Variants in SNTG1 observed in about 807,000 individuals in gnomAD.
SNTG1 encodes gamma-1-syntrophin.
A neutral mutation model predicts 74.7 loss-of-function variants in SNTG1; 39 were observed. The observed-to-expected ratio is 0.52, with a 90% CI of 0.40 to 0.68. The LOEUF is 0.68. SNTG1 is among the 30% of genes least tolerant of loss of function. The probability of loss-of-function intolerance (pLI) is 0.00; values close to 1 mark genes in which losing one functional copy is unlikely to be tolerated. For synonymous variants in SNTG1, 254 were observed against 217.1 expected (o/e 1.17, Z -1.49); for missense variants, 685 against 609.5 (o/e 1.12, Z -1.30).
intron 3 of SNTG1, 44 bp downstream of exon 3, chr8:50,394,309 A>G: frequency 6.3e-7 from 1 of 1,596,634 alleles, no homozygotes; most frequent in Non-Finnish European, 8.6e-7. Context: ...AAAACAGAAT[A>G]TAAGCGGGAA....
intron 2 of SNTG1, among the ~76,000 whole-genome samples, chr8:50,245,045 T>C (rs2086332978): frequency 6.6e-6 from 1 of 152,218 alleles, no homozygotes; most frequent in Non-Finnish European, 1.5e-5. Flanking sequence ...TATGTTTTCT[T>C]GGTTGGATCA....
intron 2 of SNTG1, among the ~76,000 whole-genome samples, chr8:50,334,956 A>T (rs1476153541): frequency 6.6e-6 from 1 of 152,204 alleles, no homozygotes; most frequent in Non-Finnish European, 1.5e-5. Flanking sequence ...CTGCTAGATT[A>T]TACTTACAAA....
At chr8:50,667,574 C>A (rs527936154) in intron 15 of SNTG1, among the ~76,000 whole-genome samples, 1 of 151,916 alleles carries the variant, frequency 6.6e-6, no homozygotes, top group African/African-American at 2.4e-5. Context: ...CATCACGGGG[C>A]CCCATCCTGA....
At chr8:50,778,578 A>G (rs2095648339) in intron 18 of SNTG1, among the ~76,000 whole-genome samples, 1 of 151,912 alleles carries the variant, frequency 6.6e-6, no homozygotes, top group Non-Finnish European at 1.5e-5. Flanking sequence ...AATTTGTTTG[A>G]GTTCATAGTA....
At chr8:50,296,699 C>T (rs765809097) in intron 2 of SNTG1, among the ~76,000 whole-genome samples, 2 of 152,062 alleles carry the variant, frequency 1.3e-5, no homozygotes, top group Non-Finnish European at 2.9e-5. Context: ...TTGATAAGTG[C>T]AGCGAACCAC....
intron 18 of SNTG1, among the ~76,000 whole-genome samples, chr8:50,782,961 A>T (rs1490670426): frequency 6.6e-6 from 1 of 152,134 alleles, no homozygotes; most frequent in Non-Finnish European, 1.5e-5. Context: ...AGTTTGCCAG[A>T]GGTCCACCCC....
chr8:50,030,517 T>A (rs540752534), intron 1 of SNTG1, among the ~76,000 whole-genome samples: 3 of 152,106 alleles, frequency 2.0e-5, no homozygotes, highest in African/African-American at 2.4e-5. Context: ...AGTGGTTTTT[T>A]AATATATGGT....
intron 1 of SNTG1, among the ~76,000 whole-genome samples, chr8:49,958,765 A>G (rs1810418271): frequency 6.6e-6 from 1 of 152,236 alleles, no homozygotes. Flanking sequence ...AAATGTAGTT[A>G]GGATCACTCT....
intron 9 of SNTG1, among the ~76,000 whole-genome samples, chr8:50,503,609 A>C (rs1437407157): frequency 6.6e-6 from 1 of 152,144 alleles, no homozygotes; most frequent in Non-Finnish European, 1.5e-5. Flanking sequence ...ACTTTACAGA[A>C]TGGAATTATA....
Position 50,426,320 on chromosome 8 carries a change from C to T in SNTG1, c.163-12223C>T, listed in dbSNP as rs182784776. On this transcript the variant is annotated intron_variant, in intron 4 of 18. Transcript: ENST00000642720. ...ATGATATTTGGTCAATGAAGGGCCA[C>T]ATATATTACAGCGTATCATAAGATT... 3.5e-3 allele frequency among the ~76,000 whole-genome samples: 528 copies of T among 152,216 alleles called. 3 individuals carry two copies. The highest frequency in any genetic ancestry group is 0.012 in the African/African-American group (508 of 41,536).
intron 3 of SNTG1, among the ~76,000 whole-genome samples, chr8:50,398,860 G>T (rs2092764091): frequency 6.6e-6 from 1 of 152,134 alleles, no homozygotes; most frequent in South Asian, 2.1e-4. Context: ...AACCCAGGAG[G>T]CAGAGATTGT....
At position 50,795,693 on chromosome 8, in the gene SNTG1, T is replaced by G. The variant is rs187244624; in HGVS notation, c.*2864T>G. ...TCAGAGAATGAAGTTCAAAGTCATT[T>G]GAAAACTGCTAACTACTATAATAAT... On this transcript the variant is annotated 3_prime_UTR_variant, in exon 19 of 19. Transcript: ENST00000642720. 1.3e-5 allele frequency: 2 copies of G among 152,094 alleles called. No homozygotes were observed. Among genetic ancestry groups the G allele is most frequent in the African/African-American group, 4.8e-5 (2 of 41,446 alleles). The allele number at this position is 152,094 out of a possible 1,614,324, so 9.4% of individuals were successfully genotyped here.
At chr8:50,070,896 G>C (rs1821307880) in intron 1 of SNTG1, among the ~76,000 whole-genome samples, 1 of 152,170 alleles carries the variant, frequency 6.6e-6, no homozygotes, top group Non-Finnish European at 1.5e-5. Context: ...GGGACGGCTG[G>C]AGGCTGAGCC....
chr8:50,534,866 G>A (rs927737606), intron 10 of SNTG1, among the ~76,000 whole-genome samples: 6 of 152,156 alleles, frequency 3.9e-5, no homozygotes, highest in African/African-American at 1.4e-4. Flanking sequence ...AGTGGTGTAA[G>A]TCAAGCACTT....
At chr8:50,155,330 A>G (rs556853043) in intron 1 of SNTG1, among the ~76,000 whole-genome samples, 131 of 152,308 alleles carry the variant, frequency 8.6e-4, no homozygotes, top group African/African-American at 3.1e-3. Context: ...GAAAAGGATT[A>G]TCTAAAAACA....
chr8:50,244,654 C>T (rs1285003015), intron 2 of SNTG1, among the ~76,000 whole-genome samples: 6 of 152,110 alleles, frequency 3.9e-5, no homozygotes, highest in Middle Eastern at 3.2e-3. Flanking sequence ...ACATAGGGAG[C>T]TCTATTAGCA....
intron 9 of SNTG1, among the ~76,000 whole-genome samples, chr8:50,518,124 A>C (rs2130100860): frequency 6.6e-6 from 1 of 152,368 alleles, no homozygotes; most frequent in Non-Finnish European, 1.5e-5. Flanking sequence ...TCATACGGCA[A>C]TCAAATAAGA....
intron 1 of SNTG1, among the ~76,000 whole-genome samples, chr8:50,114,916 G>A (rs900773465): frequency 6.6e-6 from 1 of 152,016 alleles, no homozygotes; most frequent in African/African-American, 2.4e-5. Context: ...ATGTACAGCA[G>A]GAGTGGTGTA....
chr8:50,152,622 C>G (rs1017943955), intron 1 of SNTG1, among the ~76,000 whole-genome samples: 4 of 152,156 alleles, frequency 2.6e-5, no homozygotes, highest in Non-Finnish European at 5.9e-5. Context: ...AATCTCTCAG[C>G]ATTTGCTTGT....
Sources: allele counts gnomAD v4.1 joint callset (sites outside exome capture counted in the v4.1 genomes callset), GRCh38; gene constraint gnomAD v4.1.1; transcripts MANE v1.5; gene names NCBI Gene and HGNC (gene_info 2026-07-23, HGNC 2026-07-21).